KALRN: variants seen among roughly 807,000 people sequenced by gnomAD.
KALRN encodes the protein kalirin RhoGEF kinase.
Under a neutral mutation model 353.7 loss-of-function variants are expected in KALRN, and 70 were observed. That is an observed-to-expected ratio of 0.20 (90% CI 0.16 to 0.24). The LOEUF (loss-of-function observed/expected upper bound fraction) is 0.24. Among genes scored for constraint, KALRN ranks in the 10% least tolerant of loss-of-function variants. The pLI is 1.00. For missense variants in KALRN, 2,791 were observed against 3,756.7 expected, an observed-to-expected ratio of 0.74 and a Z score of 6.72; for synonymous variants, 1,391 against 1,434.8, an observed-to-expected ratio of 0.97 and a Z score of 0.69.
chr3:124,237,042 T>C (rs1459972897), intron 3 of KALRN, among the ~76,000 whole-genome samples: 3 of 152,204 alleles, frequency 2.0e-5, no homozygotes, highest in African/African-American at 4.8e-5. Flanking sequence ...CACCAGTCAC[T>C]TCCTAATTCT....
intron 6 of KALRN, among the ~76,000 whole-genome samples, chr3:124,320,938 G>A (rs2079272600): frequency 6.6e-6 from 1 of 152,226 alleles, no homozygotes; most frequent in Admixed American, 6.5e-5. Flanking sequence ...AGCTTGTGTT[G>A]TGCTCTCTGT....
chr3:124,270,826 T>TTTG (rs1553885296), intron 5 of KALRN, among the ~76,000 whole-genome samples: 8 of 63,864 alleles, frequency 1.3e-4, no homozygotes, highest in Admixed American at 1.7e-4. Flanking sequence ...TTTGTTTTGT[T>TTTG]TTTTTTTTTT....
At chr3:124,285,142 C>A (rs2075711785) in intron 5 of KALRN, among the ~76,000 whole-genome samples, 1 of 152,116 alleles carries the variant, frequency 6.6e-6, no homozygotes. Flanking sequence ...CTTGCCCAAT[C>A]CTGAACATGT....
chr3:124,643,177 GTT>G (rs926782261), intron 37 of KALRN, among the ~76,000 whole-genome samples: 18 of 151,948 alleles, frequency 1.2e-4, no homozygotes, highest in African/African-American at 2.9e-4. Flanking sequence ...TTGTTTGTTT[GTT>G]TTTGTTTTTG....
chr3:124,264,005 T>G (rs1356601315), intron 3 of KALRN, among the ~76,000 whole-genome samples: 1 of 151,782 alleles, frequency 6.6e-6, no homozygotes, highest in Non-Finnish European at 1.5e-5. Context: ...GACTACAGGT[T>G]GGGTAGCTCC....
At chr3:124,480,839 CATA>C (rs1561082623) in intron 27 of KALRN, among the ~76,000 whole-genome samples, 1 of 152,192 alleles carries the variant, frequency 6.6e-6, no homozygotes, top group East Asian at 1.9e-4. Context: ...TTTCACTTAG[CATA>C]ATGTTTTCAG....
chr3:124,274,322 C>A (rs2074471199), intron 5 of KALRN, among the ~76,000 whole-genome samples: 1 of 152,236 alleles, frequency 6.6e-6, no homozygotes, highest in Non-Finnish European at 1.5e-5. Flanking sequence ...TATCGAAACT[C>A]CCATCTGCCT....
chr3:124,305,437 T>A (rs941787415), intron 6 of KALRN, among the ~76,000 whole-genome samples: 3 of 152,196 alleles, frequency 2.0e-5, no homozygotes, highest in Admixed American at 6.5e-5. Context: ...ATTGCATATG[T>A]CTGTGGAACC....
intron 6 of KALRN, among the ~76,000 whole-genome samples, chr3:124,325,616 G>A (rs1001444292): frequency 3.3e-5 from 5 of 152,118 alleles, no homozygotes; most frequent in Admixed American, 6.5e-5. Flanking sequence ...TTGTGCCCTC[G>A]TCTGAGCCAT....
chr3:124,070,525 C>A (rs780004631), intron 1 of KALRN, among the ~76,000 whole-genome samples: 25 of 152,196 alleles, frequency 1.6e-4, no homozygotes, highest in Non-Finnish European at 3.5e-4. Flanking sequence ...TGACATCACC[C>A]TGTTTCCATC....
chr3:124,510,441 C>CT lies in KALRN; in HGVS notation c.4935+14029dup, dbSNP rs2065772531. On this transcript the variant is annotated intron_variant, in intron 33 of 59. Coordinates refer to ENST00000682506, the MANE Select transcript of KALRN (RefSeq NM_001388419.1). ...TGGGAAATAAAACTGGAATGATTGG[C>CT]TGAGTCACATCATGGCAGATGCTGA... 2.0e-5 allele frequency among the ~76,000 whole-genome samples: 3 copies of CT among 152,144 alleles called. No homozygotes were observed. In the South Asian group the frequency reaches 6.2e-4, roughly 32 times the overall value.
chr3:124,431,933 A>G (rs1308288417), intron 16 of KALRN, among the ~76,000 whole-genome samples: 3 of 152,212 alleles, frequency 2.0e-5, no homozygotes, highest in Non-Finnish European at 4.4e-5. Flanking sequence ...CTGGGATTTG[A>G]GATTTAAAAA....
At chr3:124,414,353 C>T (rs1443406039) in intron 14 of KALRN, among the ~76,000 whole-genome samples, 1 of 152,176 alleles carries the variant, frequency 6.6e-6, no homozygotes, top group African/African-American at 2.4e-5. Context: ...TCCCTGCTGC[C>T]AGCACGCATT....
intron 1 of KALRN, among the ~76,000 whole-genome samples, chr3:124,166,706 T>G (rs2070907838): frequency 6.6e-6 from 1 of 152,172 alleles, no homozygotes; most frequent in African/African-American, 2.4e-5. Flanking sequence ...ACCGCTGCTC[T>G]GAGCCAATGT....
chr3:124,450,899 G>A (rs1047318054), intron 21 of KALRN, among the ~76,000 whole-genome samples: 4 of 152,074 alleles, frequency 2.6e-5, no homozygotes, highest in Non-Finnish European at 5.9e-5. Flanking sequence ...GTTCATATGT[G>A]ATGGAAAGTT....
intron 33 of KALRN, among the ~76,000 whole-genome samples, chr3:124,514,099 T>C (rs1480107527): frequency 6.6e-6 from 1 of 152,220 alleles, no homozygotes; most frequent in Non-Finnish European, 1.5e-5. Flanking sequence ...CTATGCAGTA[T>C]TTAATATTTT....
intron 34 of KALRN, among the ~76,000 whole-genome samples, chr3:124,623,864 ATAT>A (rs2079612054): frequency 6.6e-6 from 1 of 152,184 alleles, no homozygotes; most frequent in Non-Finnish European, 1.5e-5. Flanking sequence ...ACTGGTTAGG[ATAT>A]GTTCAGTGCA....
intron 54 of KALRN, 138 bp downstream of exon 54, chr3:124,696,393 C>T: frequency 3.1e-6 from 2 of 637,102 alleles, no homozygotes; most frequent in Non-Finnish European, 2.5e-6. Flanking sequence ...ACCTCAGCCT[C>T]CCGATTAGCT....
At position 124,233,304 on chromosome 3, in the gene KALRN, G is replaced by A. The variant is rs2204816; in HGVS notation, c.149-1525G>A. On this transcript the variant is annotated intron_variant, in intron 2 of 59. Transcript: ENST00000682506. The stretch of plus-strand genomic sequence containing the variant: ...GTGTTGGAGGACCTCCCAGCTTTTG[G>A]GAAACCTTCCATTTAATTTTCTCGC... 0.04 allele frequency among the ~76,000 whole-genome samples: 6,090 copies of A among 152,252 alleles called. 745 individuals carry two copies. In the East Asian group the frequency reaches 0.46, roughly 11 times the overall value.
Sources: allele counts gnomAD v4.1 joint callset (sites outside exome capture counted in the v4.1 genomes callset), GRCh38; gene constraint gnomAD v4.1.1; transcripts MANE v1.5; gene names NCBI Gene and HGNC (gene_info 2026-07-23, HGNC 2026-07-21).